WASL: variants seen among roughly 807,000 people sequenced by gnomAD.
WASL encodes actin nucleation-promoting factor WASL.
WASL carries 20 observed loss-of-function variants against 55.5 expected under a neutral mutation model. That is an observed-to-expected ratio of 0.36 (90% confidence interval 0.25 to 0.52). The LOEUF is 0.52. WASL is among the 20% of genes least tolerant of loss of function. The pLI is 0.92. For missense variants in WASL, 504 were observed against 622.5 expected, an observed-to-expected ratio of 0.81 and a Z score of 2.03; for synonymous variants, 249 against 217.6, an observed-to-expected ratio of 1.14 and a Z score of -1.27.
rs776544629 is a variant in WASL at position 123,692,552 on chromosome 7, G to A, written c.1142C>T (p.Pro381Leu). ...VAPPPPPPPP[P>L]PPGPPPPPGL... is the part of the protein sequence containing the mutation. ...AGGCGGGGGCGGTGGCCCAGGAGGA[G>A]GTGGAGGTGGAGGCGGTGGGGGTGG... Residue 381 changes from proline to leucine, a missense_variant, in exon 9 of 11, where the codon CCT (proline) becomes CTT (leucine). Physicochemically the swap from Pro to Leu is moderately conservative, Grantham distance 98. Around this residue, in one of 5 missense-constraint regions of WASL, gnomAD observed 201 missense variants for 206.2 expected, o/e 0.97. Transcript: ENST00000223023. The A allele has an allele frequency of 1.2e-6, 2 of 1,613,960 alleles. No individual in the cohort carries two copies. The highest frequency in any genetic ancestry group is 1.7e-5 in the Admixed American group (1 of 60,002).
chr7:123,693,981 AAAAGACAT>A (rs1346989098), intron 8 of WASL, among the ~76,000 whole-genome samples: 4 of 152,232 alleles, frequency 2.6e-5, no homozygotes, highest in Non-Finnish European at 5.9e-5. Context: ...CTGGCAATGA[AAAAGACAT>A]AAGTAAACTG....
rs916949568 is a variant in WASL, at chr7:123,719,054, A to G, written c.118-9831T>C. ...TTCGCTTCCACAGCGATGTTCCACT[A>G]AAACTCTACTTGTCACATCATCTCT... On this transcript the variant is annotated intron_variant, in intron 1 of 10. Coordinates refer to ENST00000223023, the MANE Select transcript of WASL (RefSeq NM_003941.4). Among the ~76,000 whole-genome samples the G allele has an allele frequency of 2.6e-5, 4 of 152,248 alleles. No homozygotes were observed. The South Asian group carries it at 8.3e-4, about 32-fold the overall frequency.
At chr7:123,686,485 C>T (rs1803292370) in intron 10 of WASL, among the ~76,000 whole-genome samples, 1 of 151,864 alleles carries the variant, frequency 6.6e-6, no homozygotes, top group Non-Finnish European at 1.5e-5. Flanking sequence ...CAGGTACTAC[C>T]ACAGAAATAC....
intron 9 of WASL, among the ~76,000 whole-genome samples, chr7:123,691,923 A>G (rs1310289422): frequency 6.6e-6 from 1 of 152,238 alleles, no homozygotes; most frequent in Non-Finnish European, 1.5e-5. Context: ...ACAGCTTAAT[A>G]AGGATTTTTC....
chr7:123,729,022 T>C (rs150876434), intron 1 of WASL, among the ~76,000 whole-genome samples: 1 of 152,148 alleles, frequency 6.6e-6, no homozygotes, highest in East Asian at 1.9e-4. Context: ...TTAATAAGTG[T>C]TATTTCTGGG....
chr7:123,723,972 C>T (rs566102608), intron 1 of WASL, among the ~76,000 whole-genome samples: 1 of 152,268 alleles, frequency 6.6e-6, no homozygotes, highest in Non-Finnish European at 1.5e-5. Flanking sequence ...TGAGAAATGA[C>T]ACACTTTTTC....
In WASL at chr7:123,724,170, C is replaced by T. The variant is rs1034066831; in HGVS notation, c.118-14947G>A. ...CAATATTTGAAAACGTAACAGGTTC[C>T]TATTTGATAAAAATAAAGTCCAAAC... On this transcript the variant is annotated intron_variant, in intron 1 of 10. Coordinates refer to ENST00000223023, the MANE Select transcript of WASL (RefSeq NM_003941.4). 1.5e-4 allele frequency among the ~76,000 whole-genome samples: 23 copies of T among 152,232 alleles called. No homozygotes were observed. In the East Asian group the frequency reaches 4.1e-3, roughly 27 times the overall value.
At position 123,684,493 on chromosome 7, in the gene WASL, ATAT is replaced by A. The variant is rs1803255379; in HGVS notation, c.*23_*25del. 2 of 76,232 alleles carry A rather than the reference ATAT, an allele frequency of 2.6e-5. No homozygotes were observed. Among genetic ancestry groups the A allele is most frequent in the Non-Finnish European group, 4.6e-5 (2 of 43,886 alleles). The allele number at this position is 76,232 out of a possible 1,614,324, so 4.7% of individuals were successfully genotyped here. The stretch of plus-strand genomic sequence containing the variant: ...TAGTGTTTAGTATTTCACCTTAAAA[ATAT>A]ATATATATATATAATATATAGATCA... On this transcript the variant is annotated 3_prime_UTR_variant, in exon 11 of 11. Transcript: ENST00000223023.
In WASL at chr7:123,709,187, C is replaced by A; in HGVS notation, c.154G>T (p.Asp52Tyr). 1 of 1,612,374 alleles carries A rather than the reference C, an allele frequency of 6.2e-7. No individual in the cohort carries two copies. Among genetic ancestry groups the A allele is most frequent in the Non-Finnish European group, 8.5e-7 (1 of 1,178,948 alleles). ...TTCTTTGACCACATACAGTTCCGAT[C>A]TGCTGCATATAACTGCACCACTGCT... ...SSAVVQLYAA[D>Y]RNCMWSKKCS... is the part of the protein sequence containing the mutation. The change falls in exon 2 of 11, where the codon GAT (aspartate) becomes TAT (tyrosine). Residue 52 changes from aspartate (D) to tyrosine (Y), a missense_variant. Around this residue, in one of 5 missense-constraint regions of WASL, gnomAD observed 230 missense variants for 271.9 expected, o/e 0.85. Transcript: ENST00000223023.
chr7:123,704,722 T>A, intron 4 of WASL, 65 bp from the exon 5 acceptor site: 2 of 1,101,794 alleles, frequency 1.8e-6, no homozygotes, highest in Admixed American at 5.5e-5. Flanking sequence ...CATAAAAAAA[T>A]TAATTCACTA....
chr7:123,732,155 G>A (rs1351184635), intron 1 of WASL, among the ~76,000 whole-genome samples: 5 of 151,812 alleles, frequency 3.3e-5, no homozygotes, highest in East Asian at 1.9e-4. Context: ...GTGAAACCCC[G>A]TCTCTACTAA....
At chr7:123,693,207 TTTG>T (rs1803441374) in intron 8 of WASL, among the ~76,000 whole-genome samples, 1 of 152,228 alleles carries the variant, frequency 6.6e-6, no homozygotes, top group Admixed American at 6.5e-5. Context: ...AATTAAACAT[TTTG>T]TTAATTAGCA....
intron 5 of WASL, among the ~76,000 whole-genome samples, chr7:123,699,356 G>A (rs542173856): frequency 7.9e-5 from 12 of 152,164 alleles, no homozygotes; most frequent in Middle Eastern, 3.4e-3. Context: ...CAGCCCGGGC[G>A]ACAGAGCAAG....
At chr7:123,695,775 A>G (rs767509330) in intron 7 of WASL, 48 bp downstream of exon 7, 2 of 1,576,516 alleles carry the variant, frequency 1.3e-6, no homozygotes, top group Non-Finnish European at 1.7e-6. Flanking sequence ...ATAGGCCAAC[A>G]CATTTCCACA....
At chr7:123,695,719 C>G (rs569235930) in intron 7 of WASL, 104 bp downstream of exon 7, 93 of 1,145,780 alleles carry the variant, frequency 8.1e-5, no homozygotes, top group Non-Finnish European at 1.1e-4. Context: ...CAAGCACATT[C>G]AAACAGATAC....
In WASL at chr7:123,748,928, G is replaced by A. The variant is rs916280215; in HGVS notation, c.-194C>T. The A allele has an allele frequency of 8.7e-6, 5 of 575,136 alleles. No individual in the cohort carries two copies. The highest frequency in any genetic ancestry group is 3.9e-5 in the African/African-American group (2 of 50,998). 35.6% of individuals were successfully genotyped at this position (575,136 alleles called of 1,614,324 possible). On this transcript the variant is annotated 5_prime_UTR_variant, in exon 1 of 11. Transcript: ENST00000223023. ...CGGCGAGCCACCTTCGCGCCGCGCT[G>A]AGAAAGGGAAGCTCCCGGCACCCGC...
intron 1 of WASL, among the ~76,000 whole-genome samples, chr7:123,746,266 T>A (rs1197962929): frequency 2.0e-5 from 3 of 152,242 alleles, no homozygotes; most frequent in Non-Finnish European, 4.4e-5. Flanking sequence ...CCTCAACATT[T>A]ATTCAATACA....
chr7:123,730,884 G>A (rs1378195882), intron 1 of WASL, among the ~76,000 whole-genome samples: 2 of 152,148 alleles, frequency 1.3e-5, no homozygotes, highest in Non-Finnish European at 2.9e-5. Context: ...TTGGTGTACA[G>A]GTAATTGTCG....
intron 1 of WASL, among the ~76,000 whole-genome samples, chr7:123,743,215 T>C (rs1024214789): frequency 6.6e-6 from 1 of 151,742 alleles, no homozygotes; most frequent in South Asian, 2.1e-4. Flanking sequence ...CACACGCCTG[T>C]AGTTCCAGCT....
Sources: allele counts gnomAD v4.1 joint callset (sites outside exome capture counted in the v4.1 genomes callset), GRCh38; gene constraint gnomAD v4.1.1; regional missense constraint gnomAD v4.1.1; transcripts MANE v1.5; gene names NCBI Gene and HGNC (gene_info 2026-07-23, HGNC 2026-07-21).